Variants in VPS13B observed in about 807,000 individuals in gnomAD.
VPS13B encodes the protein vacuolar protein sorting 13 homolog B.
A neutral mutation model predicts 426.4 loss-of-function variants in VPS13B; 285 were observed. That is an observed-to-expected ratio of 0.67 (90% CI 0.61 to 0.74). The LOEUF is 0.74. Among genes scored for constraint, VPS13B ranks in the 30% least tolerant of loss-of-function variants. The pLI, the probability that VPS13B is intolerant of heterozygous loss-of-function variation, is 0.00. For synonymous variants in VPS13B, 1,676 were observed against 1,676.4 expected (o/e 1.00, Z 0.01); for missense variants, 4,537 against 4,782.6 (o/e 0.95, Z 1.51).
At chr8:99,086,696 AG>A (rs1237728996) in intron 3 of VPS13B, among the ~76,000 whole-genome samples, 1 of 152,184 alleles carries the variant, frequency 6.6e-6, no homozygotes, top group East Asian at 1.9e-4. Flanking sequence ...CCTCAGCTGC[AG>A]GTCTGTTGGT....
At chr8:99,668,393 A>G (rs1270320529) in intron 35 of VPS13B, among the ~76,000 whole-genome samples, 1 of 151,814 alleles carries the variant, frequency 6.6e-6, no homozygotes, top group Non-Finnish European at 1.5e-5. Context: ...TTAAAGGTAG[A>G]GGGAATACTG....
intron 24 of VPS13B, among the ~76,000 whole-genome samples, chr8:99,472,276 A>G (rs1182843094): frequency 6.6e-6 from 1 of 152,124 alleles, no homozygotes; most frequent in Non-Finnish European, 1.5e-5. Context: ...TGGCATTTAT[A>G]GAACAGTATA....
chr8:99,576,882 G>C (rs989754087), intron 32 of VPS13B, among the ~76,000 whole-genome samples: 2 of 152,120 alleles, frequency 1.3e-5, no homozygotes, highest in African/African-American at 4.8e-5. Flanking sequence ...AATTAGTCTA[G>C]CTGTCTTTAG....
At chr8:99,812,019 A>T (rs1384074780) in intron 44 of VPS13B, among the ~76,000 whole-genome samples, 3 of 152,230 alleles carry the variant, frequency 2.0e-5, no homozygotes, top group Non-Finnish European at 1.5e-5. Context: ...TTTTCAAGAA[A>T]CAATGTTAAA....
chr8:99,691,844 G>A (rs1415657266), intron 35 of VPS13B, among the ~76,000 whole-genome samples: 1 of 140,738 alleles, frequency 7.1e-6, no homozygotes, highest in Non-Finnish European at 1.5e-5. Context: ...AAGGATGGAG[G>A]AAGATCTACC....
Position 99,818,861 on chromosome 8 carries a change from T to A in VPS13B, c.8594T>A (p.Leu2865His), listed in dbSNP as rs1814199679. ...EKPLQNIEPD[L>H]VHHLTFQARE... is the part of the protein sequence containing the mutation. ...CCACTGCAAAACATAGAACCTGACC[T>A]TGTACATCACCTGACATTCCAAGCA... The change falls in exon 47 of 62, where the codon CTT becomes CAT. Residue 2865 changes from leucine (L) to histidine (H), a missense_variant. Coordinates refer to ENST00000357162, the MANE Select transcript of VPS13B (RefSeq NM_152564.5). 1 of 1,613,566 alleles carries A rather than the reference T, an allele frequency of 6.2e-7. No homozygotes were observed. Among genetic ancestry groups the A allele is most frequent in the South Asian group, 1.1e-5 (1 of 91,062 alleles).
chr8:99,506,402 C>T (rs1400518476), intron 27 of VPS13B, among the ~76,000 whole-genome samples: 2 of 152,140 alleles, frequency 1.3e-5, no homozygotes, highest in Non-Finnish European at 2.9e-5. Flanking sequence ...TTTTTAATGT[C>T]ATGAATATTA....
At chr8:99,864,667 A>T (rs539389404) in intron 58 of VPS13B, among the ~76,000 whole-genome samples, 2 of 152,390 alleles carry the variant, frequency 1.3e-5, no homozygotes, top group Admixed American at 1.3e-4. Flanking sequence ...GTTAATAAAA[A>T]TATATTAAAG....
At chr8:99,067,215 T>C (rs1400262622) in intron 3 of VPS13B, among the ~76,000 whole-genome samples, 2 of 152,214 alleles carry the variant, frequency 1.3e-5, no homozygotes, top group East Asian at 1.9e-4. Flanking sequence ...GGGGCACTAT[T>C]CACAATAGTA....
intron 24 of VPS13B, among the ~76,000 whole-genome samples, chr8:99,476,799 C>T (rs1208181372): frequency 6.6e-6 from 1 of 152,134 alleles, no homozygotes. Context: ...CCAGTAGGAA[C>T]TGCATACAGG....
intron 12 of VPS13B, among the ~76,000 whole-genome samples, chr8:99,139,795 A>T (rs895579500): frequency 2.0e-5 from 3 of 151,946 alleles, no homozygotes; most frequent in Admixed American, 2.0e-4. Context: ...GTAGAATTTT[A>T]AGTATTAATG....
intron 42 of VPS13B, among the ~76,000 whole-genome samples, chr8:99,781,344 T>C (rs939657364): frequency 7.9e-5 from 12 of 152,186 alleles, no homozygotes; most frequent in African/African-American, 2.7e-4. Context: ...GTTACACTTA[T>C]GTGTCTTCTC....
At chr8:99,144,879 C>A (rs908421286) in intron 13 of VPS13B, among the ~76,000 whole-genome samples, 2 of 152,088 alleles carry the variant, frequency 1.3e-5, no homozygotes, top group African/African-American at 2.4e-5. Context: ...GAAGTGTGAG[C>A]AAGAGTGCCA....
intron 43 of VPS13B, among the ~76,000 whole-genome samples, chr8:99,784,690 C>T (rs920403418): frequency 2.0e-5 from 3 of 151,994 alleles, no homozygotes; most frequent in Admixed American, 2.0e-4. Context: ...GTGCTTGGGG[C>T]GGGGGCAGCA....
At chr8:99,021,494 G>C (rs1385764500) in intron 2 of VPS13B, among the ~76,000 whole-genome samples, 1 of 151,910 alleles carries the variant, frequency 6.6e-6, no homozygotes, top group East Asian at 1.9e-4. Context: ...GGTGGCGGGC[G>C]CCTGTAATCC....
At chr8:99,608,150 CTT>C (rs200976473) in intron 33 of VPS13B, among the ~76,000 whole-genome samples, 80 of 138,380 alleles carry the variant, frequency 5.8e-4, no homozygotes, top group African/African-American at 6.6e-4. Context: ...TTTTAATCTA[CTT>C]TTTTTTTTTT....
intron 12 of VPS13B, 88 bp from the exon 13 acceptor site, chr8:99,142,886 A>G: frequency 7.2e-7 from 1 of 1,391,940 alleles, no homozygotes; most frequent in South Asian, 1.3e-5. Context: ...TTAAGCTACA[A>G]GCTATAAAAA....
intron 43 of VPS13B, among the ~76,000 whole-genome samples, chr8:99,802,602 T>C (rs990562722): frequency 6.6e-6 from 1 of 152,218 alleles, no homozygotes; most frequent in Non-Finnish European, 1.5e-5. Flanking sequence ...ATAACCACTG[T>C]TAGCATTATG....
intron 23 of VPS13B, 30 bp downstream of exon 23, chr8:99,442,665 A>G (rs1563732707): frequency 6.3e-7 from 1 of 1,592,012 alleles, no homozygotes; most frequent in Non-Finnish European, 8.6e-7. Flanking sequence ...TCCTATGGTT[A>G]ATGTTTTATA....
Sources: gnomAD v4.1 joint callset for allele counts (sites outside exome capture counted in the v4.1 genomes callset) on GRCh38, gnomAD v4.1.1 for gene constraint, MANE v1.5 for transcripts, NCBI Gene and HGNC (gene_info 2026-07-23, HGNC 2026-07-21) for gene names.